The following BIRC6 variants were observed in gnomAD, a reference collection of about 807,000 sequenced individuals.
BIRC6 encodes baculoviral IAP repeat containing 6.
In BIRC6, 98 loss-of-function variants were observed where a neutral mutation model predicts 503.3. The observed-to-expected ratio is 0.19, with a 90% CI of 0.17 to 0.23. The LOEUF is 0.23. Among genes scored for constraint, BIRC6 ranks in the 10% least tolerant of loss-of-function variants. The pLI is 1.00. For missense variants in BIRC6, 5,360 were observed against 5,806.0 expected, an observed-to-expected ratio of 0.92 and a Z score of 2.50; for synonymous variants, 2,240 against 2,078.7, an observed-to-expected ratio of 1.08 and a Z score of -2.11.
chr2:32,507,925 T>C, intron 50 of BIRC6, 55 bp from the exon 51 acceptor site: 3 of 1,478,560 alleles, frequency 2.0e-6, no homozygotes, highest in Non-Finnish European at 1.8e-6. Context: ...TTTAATAAAC[T>C]GTTCAATCTA....
intron 21 of BIRC6, among the ~76,000 whole-genome samples, chr2:32,447,093 C>T (rs1442047760): frequency 6.8e-6 from 1 of 146,906 alleles, no homozygotes; most frequent in Non-Finnish European, 1.5e-5. Flanking sequence ...CAACAGGATC[C>T]CAAGGCAGGA....
chr2:32,507,294 G>A (rs754931681), intron 50 of BIRC6, among the ~76,000 whole-genome samples: 1 of 152,124 alleles, frequency 6.6e-6, no homozygotes. Flanking sequence ...CCTAGATGTA[G>A]TGGCACCTAC....
At chr2:32,466,183 G>A (rs2048520024) in intron 26 of BIRC6, among the ~76,000 whole-genome samples, 1 of 152,064 alleles carries the variant, frequency 6.6e-6, no homozygotes, top group Admixed American at 6.6e-5. Flanking sequence ...ATTCCTAGAA[G>A]TTTAATTTAG....
intron 4 of BIRC6, 58 bp downstream of exon 4, chr2:32,389,001 A>G: frequency 9.2e-7 from 1 of 1,083,050 alleles, no homozygotes; most frequent in East Asian, 3.2e-5. Flanking sequence ...TTTTGCATTA[A>G]ACAAGGAATA....
At chr2:32,398,762 A>C (rs1043918862) in intron 6 of BIRC6, among the ~76,000 whole-genome samples, 1 of 152,162 alleles carries the variant, frequency 6.6e-6, no homozygotes. Flanking sequence ...ATTTTATTGA[A>C]AAAGTTAAAA....
chr2:32,370,772 G>T (rs911364775), intron 1 of BIRC6, among the ~76,000 whole-genome samples: 1 of 152,002 alleles, frequency 6.6e-6, no homozygotes, highest in African/African-American at 2.4e-5. Flanking sequence ...ATACAGGCTT[G>T]TATCTTCTTT....
At chr2:32,545,233 G>A (rs2057975228) in intron 62 of BIRC6, among the ~76,000 whole-genome samples, 1 of 151,990 alleles carries the variant, frequency 6.6e-6, no homozygotes, top group Non-Finnish European at 1.5e-5. Context: ...ACACTGTTGG[G>A]AAAAAAATAG....
chr2:32,614,608 A>T (rs1166555352), intron 73 of BIRC6, among the ~76,000 whole-genome samples: 1 of 152,224 alleles, frequency 6.6e-6, no homozygotes, highest in Non-Finnish European at 1.5e-5. Context: ...CGGGCAGATC[A>T]CTTGTGGTCA....
chr2:32,479,741 C>A, intron 37 of BIRC6, 124 bp downstream of exon 37: 1 of 806,444 alleles, frequency 1.2e-6, no homozygotes, highest in South Asian at 2.3e-5. Context: ...GCCTTATAAA[C>A]TAGATCCATT....
chr2:32,445,471 AGAGGAAAAG>A, intron 20 of BIRC6, 41 bp from the exon 21 acceptor site: 2 of 1,427,664 alleles, frequency 1.4e-6, no homozygotes, highest in East Asian at 2.5e-5. Context: ...TCTCATTGTT[AGAGGAAAAG>A]GAGGAAAAAG....
intron 73 of BIRC6, 119 bp downstream of exon 73, chr2:32,611,701 T>A: frequency 9.4e-7 from 1 of 1,062,368 alleles, no homozygotes; most frequent in African/African-American, 1.6e-5. Context: ...ATATGTATTT[T>A]CAGTTCAGAG....
At chr2:32,499,469 C>G in intron 45 of BIRC6, 78 bp from the exon 46 acceptor site, 2 of 1,285,748 alleles carry the variant, frequency 1.6e-6, no homozygotes, top group African/African-American at 1.5e-5. Flanking sequence ...TACTTAAAAT[C>G]GTTTAATTTT....
At chr2:32,602,783 G>A in intron 70 of BIRC6, 1 of 450,162 alleles carries the variant, frequency 2.2e-6, no homozygotes, top group East Asian at 3.5e-5. Flanking sequence ...TATAATAGGT[G>A]CTGGTCTGTT....
Position 32,481,325 on chromosome 2 carries a change from C to A in BIRC6, c.7414C>A (p.Pro2472Thr). ...TCACTTTTAATTATTTGAAGGTGCA[C>A]CTCCTCTGTCCTCTTTGGAAAAAGA... The part of the protein sequence containing the change: ...EPLTHDITGA[P>T]PLSSLEKDKE... Residue 2472 changes from proline to threonine, a missense_variant, in exon 38 of 74, where the codon CCT becomes ACT. By Grantham distance (38) the Pro-to-Thr change is conservative. Around this residue, in one of 16 missense-constraint regions of BIRC6, gnomAD observed 2,299 missense variants for 2,267.2 expected, o/e 1.01. Transcript: ENST00000421745. 6.3e-7 allele frequency: 1 copy of A among 1,593,584 alleles called. No individual in the cohort carries two copies. The highest frequency in any genetic ancestry group is 8.6e-7 in the Non-Finnish European group (1 of 1,169,576).
At chr2:32,392,245 T>C (rs2039321831) in intron 5 of BIRC6, 95 bp downstream of exon 5, 1 of 844,570 alleles carries the variant, frequency 1.2e-6, no homozygotes, top group South Asian at 1.7e-5. Context: ...GAAACTTATT[T>C]TGTGCACCTT....
chr2:32,456,222 C>T (rs1184775827), intron 23 of BIRC6, among the ~76,000 whole-genome samples: 3 of 152,260 alleles, frequency 2.0e-5, no homozygotes, highest in Middle Eastern at 6.8e-3. Flanking sequence ...CTTAATGATG[C>T]ATTCTTGAAC....
intron 45 of BIRC6, 46 bp from the exon 46 acceptor site, chr2:32,499,499 ATC>A (rs753708377): frequency 0.019 from 19,304 of 998,566 alleles, no homozygotes; most frequent in South Asian, 0.024. Flanking sequence ...CTCTTGTTGT[ATC>A]TCTCTCTCTC....
intron 33 of BIRC6, 88 bp downstream of exon 33, chr2:32,473,327 T>G: frequency 9.0e-7 from 1 of 1,114,324 alleles, no homozygotes; most frequent in Admixed American, 3.1e-5. Flanking sequence ...AGATGTGAGG[T>G]ATAACATTTA....
intron 49 of BIRC6, among the ~76,000 whole-genome samples, chr2:32,503,622 A>G (rs187894524): frequency 1.7e-3 from 265 of 152,006 alleles, no homozygotes; most frequent in Non-Finnish European, 2.4e-3. Flanking sequence ...GGGTTTCACC[A>G]TGTTGGCCAG....
Sources: allele counts gnomAD v4.1 joint callset (sites outside exome capture counted in the v4.1 genomes callset), GRCh38; gene constraint gnomAD v4.1.1; regional missense constraint gnomAD v4.1.1; transcripts MANE v1.5; gene names NCBI Gene and HGNC (gene_info 2026-07-23, HGNC 2026-07-21).